ELAVL4: variants seen among roughly 807,000 people sequenced by gnomAD.
ELAVL4 encodes ELAV like RNA binding protein 4, also known as ELAV-like protein 4.
A neutral mutation model predicts 35.6 loss-of-function variants in ELAVL4; 1 was observed. The ratio of observed to expected loss-of-function variants is 0.03; its 90% CI spans 0.01 to 0.13. The LOEUF is 0.13. Ranked by LOEUF, ELAVL4 falls within the 10% of genes least tolerant of loss-of-function variation. The pLI, the probability that ELAVL4 is intolerant of heterozygous loss-of-function variation, is 1.00. For synonymous variants in ELAVL4, 156 were observed against 171.0 expected (o/e 0.91, Z 0.69); for missense variants, 267 against 464.9 (o/e 0.57, Z 3.91).
At chr1:50,098,383 G>T (rs1046505582) in intron 1 of ELAVL4, among the ~76,000 whole-genome samples, 4 of 152,168 alleles carry the variant, frequency 2.6e-5, no homozygotes, top group Non-Finnish European at 5.9e-5. Context: ...AGTTATGTTT[G>T]TGAGTAATTT....
chr1:50,181,215 A>C (rs1680968677), intron 3 of ELAVL4: 1 of 152,236 alleles, frequency 6.6e-6, no homozygotes, highest in Non-Finnish European at 1.5e-5. Flanking sequence ...GCATTCTGTG[A>C]GGGTGTGTGG....
chr1:50,143,149 G>A (rs1673104934), intron 1 of ELAVL4, among the ~76,000 whole-genome samples: 1 of 152,176 alleles, frequency 6.6e-6, no homozygotes, highest in Non-Finnish European at 1.5e-5. Flanking sequence ...TGCCAGTCAT[G>A]TTCTGTATTG....
At chr1:50,132,750 A>T (rs895914785) in intron 1 of ELAVL4, among the ~76,000 whole-genome samples, 2 of 152,140 alleles carry the variant, frequency 1.3e-5, no homozygotes, top group Non-Finnish European at 2.9e-5. Context: ...GTGACTCCAA[A>T]CTGGTTTGAA....
At chr1:50,139,241 C>T (rs1572359193) in intron 1 of ELAVL4, among the ~76,000 whole-genome samples, 1 of 152,262 alleles carries the variant, frequency 6.6e-6, no homozygotes, top group East Asian at 1.9e-4. Flanking sequence ...TATCTGGGAC[C>T]TACCGATTGT....
intron 1 of ELAVL4, among the ~76,000 whole-genome samples, chr1:50,074,755 G>T (rs972868317): frequency 6.6e-6 from 1 of 152,150 alleles, no homozygotes; most frequent in African/African-American, 2.4e-5. Context: ...GAAGGCAGGG[G>T]ACAGTGGATC....
At chr1:50,104,989 A>G (rs1666192906), upstream of ELAVL4, among the ~76,000 whole-genome samples, 1 of 152,192 alleles carries the variant, frequency 6.6e-6, no homozygotes, top group African/African-American at 2.4e-5. Context: ...AAGAACAGCA[A>G]TGGGTAGAGA....
intron 2 of ELAVL4, among the ~76,000 whole-genome samples, chr1:50,171,793 CT>C (rs1679049095): frequency 6.6e-6 from 1 of 152,188 alleles, no homozygotes; most frequent in African/African-American, 2.4e-5. Context: ...AGATTTAAGC[CT>C]GCTGAAAGCA....
chr1:50,197,330 C>T, intron 5 of ELAVL4, 99 bp from the exon 6 acceptor site: 1 of 1,295,240 alleles, frequency 7.7e-7, no homozygotes, highest in Non-Finnish European at 1.0e-6. Flanking sequence ...AGTTGTTGAG[C>T]TTTTCTTCTT....
intron 3 of ELAVL4, among the ~76,000 whole-genome samples, chr1:50,191,154 C>T (rs1557859477): frequency 6.6e-6 from 1 of 152,194 alleles, no homozygotes; most frequent in Non-Finnish European, 1.5e-5. Context: ...CTGTTGCCCT[C>T]TTTGGACTTG....
chr1:50,055,379 G>A (rs997316898), intron 1 of ELAVL4, among the ~76,000 whole-genome samples: 1 of 151,710 alleles, frequency 6.6e-6, no homozygotes, highest in Non-Finnish European at 1.5e-5. Context: ...GGCTCACTGC[G>A]AGCTCCGCCT....
intron 1 of ELAVL4, among the ~76,000 whole-genome samples, chr1:50,052,079 T>C (rs1245650486): frequency 1.3e-5 from 2 of 152,166 alleles, no homozygotes; most frequent in African/African-American, 4.8e-5. Context: ...TATATGAAAA[T>C]ACAGTCACAT....
At chr1:50,087,045 A>G (rs1665278653) in intron 1 of ELAVL4, among the ~76,000 whole-genome samples, 1 of 152,086 alleles carries the variant, frequency 6.6e-6, no homozygotes, top group South Asian at 2.1e-4. Flanking sequence ...TAGAGAGTCA[A>G]TCAATTATCT....
In ELAVL4 at chr1:50,109,016, C is replaced by CGGGGGGGGCGCG; in HGVS notation, c.-174_-173insGGGGGGGGCGCG. 2.2e-6 allele frequency: 2 copies of CGGGGGGGGCGCG among 905,782 alleles called. No individual in the cohort carries two copies. The highest frequency in any genetic ancestry group is 2.6e-6 in the Non-Finnish European group (2 of 761,398). The allele number at this position is 905,782 out of a possible 1,614,324, so 56.1% of individuals were successfully genotyped here. A position where few individuals can be genotyped will look rare whatever the true frequency, so the allele number is the denominator to read the frequency against. ...CTCCTTTTCTTTTTTTTCTTTCTCT[C>CGGGGGGGGCGCG]CCCCGCCCACCCCCCCAAAAATAAT... On this transcript the variant is annotated 5_prime_UTR_variant, in exon 1 of 7. Coordinates refer to ENST00000371824, the MANE Select transcript of ELAVL4 (RefSeq NM_001144774.3).
chr1:50,070,676 G>A (rs539895414), intron 1 of ELAVL4, among the ~76,000 whole-genome samples: 1 of 148,426 alleles, frequency 6.7e-6, no homozygotes, highest in Admixed American at 6.7e-5. Context: ...AGGAGGCGGA[G>A]GTTGCAGTGA....
At chr1:50,159,626 T>C (rs1676415487) in intron 2 of ELAVL4, among the ~76,000 whole-genome samples, 1 of 149,694 alleles carries the variant, frequency 6.7e-6, no homozygotes, top group East Asian at 2.0e-4. Flanking sequence ...AAAAAAAAAA[T>C]GGGGGGCTCT....
intron 1 of ELAVL4, chr1:50,115,309 G>A (rs1038648461): frequency 2.0e-5 from 3 of 152,152 alleles, no homozygotes; most frequent in African/African-American, 7.2e-5. Flanking sequence ...GAAAGCAGTA[G>A]AAGTGTTGAG....
At chr1:50,070,770 A>G (rs1664483650) in intron 1 of ELAVL4, among the ~76,000 whole-genome samples, 1 of 151,920 alleles carries the variant, frequency 6.6e-6, no homozygotes, top group South Asian at 2.1e-4. Flanking sequence ...AGCCACTACT[A>G]AACGGTGACG....
chr1:50,096,032 A>G (rs1665704083), intron 1 of ELAVL4, among the ~76,000 whole-genome samples: 1 of 152,188 alleles, frequency 6.6e-6, no homozygotes, highest in Non-Finnish European at 1.5e-5. Context: ...GTGGATTCCA[A>G]AAGTTTTTGA....
At chr1:50,127,243 T>C (rs561502330) in intron 1 of ELAVL4, among the ~76,000 whole-genome samples, 24 of 152,188 alleles carry the variant, frequency 1.6e-4, no homozygotes, top group South Asian at 1.0e-3. Context: ...GAATTCCCCA[T>C]GTACTGCCTG....
Sources: allele counts gnomAD v4.1 joint callset (sites outside exome capture counted in the v4.1 genomes callset), GRCh38; gene constraint gnomAD v4.1.1; transcripts MANE v1.5; gene names NCBI Gene and HGNC (gene_info 2026-07-23, HGNC 2026-07-21).